SUGCT: variants seen among roughly 807,000 people sequenced by gnomAD.
SUGCT encodes succinyl-CoA:glutarate-CoA transferase.
A neutral mutation model predicts 55.0 loss-of-function variants in SUGCT; 41 were observed. The observed-to-expected ratio is 0.74, with a 90% CI of 0.58 to 0.97. The LOEUF (loss-of-function observed/expected upper bound fraction) is 0.97, where lower values mean the gene tolerates loss of function less well. SUGCT is among the 50% of genes least tolerant of loss of function. The pLI, the probability that SUGCT is intolerant of heterozygous loss-of-function variation, is 0.00. For synonymous variants in SUGCT, 187 were observed against 200.4 expected (o/e 0.93, Z 0.56); for missense variants, 568 against 547.8 (o/e 1.04, Z -0.37).
intron 8 of SUGCT, among the ~76,000 whole-genome samples, chr7:40,297,691 A>G (rs1386496818): frequency 6.6e-6 from 1 of 152,184 alleles, no homozygotes; most frequent in African/African-American, 2.4e-5. Flanking sequence ...CATATTACCC[A>G]CTACAGATAA....
chr7:40,240,718 T>C (rs1789324364), intron 7 of SUGCT, among the ~76,000 whole-genome samples: 1 of 152,212 alleles, frequency 6.6e-6, no homozygotes, highest in African/African-American at 2.4e-5. Context: ...TGCACAGCCA[T>C]GTATCTGTGC....
At chr7:40,613,007 C>A (rs773426878) in intron 12 of SUGCT, among the ~76,000 whole-genome samples, 1 of 152,076 alleles carries the variant, frequency 6.6e-6, no homozygotes, top group Non-Finnish European at 1.5e-5. Context: ...ATGGGGGATG[C>A]CCATAATCCC....
At chr7:40,703,414 A>G (rs1483580021) in intron 12 of SUGCT, among the ~76,000 whole-genome samples, 1 of 152,148 alleles carries the variant, frequency 6.6e-6, no homozygotes, top group Non-Finnish European at 1.5e-5. Context: ...CAGCATCCCC[A>G]CAGAATGTGA....
intron 12 of SUGCT, among the ~76,000 whole-genome samples, chr7:40,725,720 G>A (rs909681717): frequency 3.3e-5 from 5 of 151,696 alleles, no homozygotes; most frequent in East Asian, 1.9e-4. Context: ...TTAAAATCCC[G>A]TTTCTCAGCA....
intron 7 of SUGCT, among the ~76,000 whole-genome samples, chr7:40,269,194 A>G (rs990452363): frequency 7.9e-5 from 12 of 152,056 alleles, no homozygotes; most frequent in African/African-American, 2.9e-4. Context: ...TTCTCTGACA[A>G]CTAATGATGT....
chr7:40,564,006 A>G (rs368311358), intron 12 of SUGCT, among the ~76,000 whole-genome samples: 1 of 152,208 alleles, frequency 6.6e-6, no homozygotes, highest in Non-Finnish European at 1.5e-5. Context: ...AGAAAAAAAT[A>G]TCTAGAAGTA....
At chr7:40,216,066 T>C (rs892076005) in intron 6 of SUGCT, among the ~76,000 whole-genome samples, 2 of 151,896 alleles carry the variant, frequency 1.3e-5, no homozygotes, top group Non-Finnish European at 2.9e-5. Context: ...AAATTATTGA[T>C]ATGAAATGCA....
intron 13 of SUGCT, among the ~76,000 whole-genome samples, chr7:40,783,291 T>G (rs906580833): frequency 6.6e-6 from 1 of 152,076 alleles, no homozygotes; most frequent in Non-Finnish European, 1.5e-5. Context: ...GGCCACCTCT[T>G]TTTCAGGGAA....
At chr7:40,141,620 A>G (rs1308968291) in intron 1 of SUGCT, among the ~76,000 whole-genome samples, 1 of 148,090 alleles carries the variant, frequency 6.8e-6, no homozygotes, top group Non-Finnish European at 1.5e-5. Context: ...GGCGACAGAC[A>G]GTGCAAGACT....
chr7:40,753,479 A>G (rs1788113982), intron 13 of SUGCT, among the ~76,000 whole-genome samples: 1 of 152,208 alleles, frequency 6.6e-6, no homozygotes, highest in Admixed American at 6.5e-5. Context: ...GTTTACAGTA[A>G]CAATCCTTAT....
the SUGCT span, among the ~76,000 whole-genome samples, chr7:41,018,175 C>T: frequency 0.027 from 4,053 of 151,980 alleles, 188 homozygotes; most frequent in South Asian, 0.19. Flanking sequence ...GCCTATGGAC[C>T]GCTGCAAGGG....
At chr7:40,680,942 G>T (rs987754417) in intron 12 of SUGCT, among the ~76,000 whole-genome samples, 4 of 152,162 alleles carry the variant, frequency 2.6e-5, no homozygotes, top group Non-Finnish European at 4.4e-5. Flanking sequence ...GAACAAAATT[G>T]TAAGTGCGAG....
At chr7:40,994,008 T>C in the SUGCT span, among the ~76,000 whole-genome samples, 2 of 152,194 alleles carry the variant, frequency 1.3e-5, no homozygotes, top group Non-Finnish European at 2.9e-5. Flanking sequence ...TGTGAAATTA[T>C]ATCTGAGACA....
the SUGCT span, among the ~76,000 whole-genome samples, chr7:40,956,246 TTGTC>T: frequency 1.3e-5 from 2 of 151,996 alleles, no homozygotes; most frequent in Non-Finnish European, 2.9e-5. Flanking sequence ...AGCTAGGAAT[TTGTC>T]TGGTCTTTGG....
chr7:40,593,942 T>C (rs553355571), intron 12 of SUGCT, among the ~76,000 whole-genome samples: 2 of 152,192 alleles, frequency 1.3e-5, no homozygotes, highest in South Asian at 2.1e-4. Flanking sequence ...CCAACAATGA[T>C]AGACTGGATT....
At chr7:40,375,968 C>T (rs569162574) in intron 9 of SUGCT, among the ~76,000 whole-genome samples, 1 of 152,212 alleles carries the variant, frequency 6.6e-6, no homozygotes, top group Admixed American at 6.5e-5. Context: ...CACAGATTCT[C>T]GTGTCAGATG....
At chr7:40,961,245 T>C in the SUGCT span, among the ~76,000 whole-genome samples, 2 of 152,240 alleles carry the variant, frequency 1.3e-5, no homozygotes, top group South Asian at 2.1e-4. Context: ...GCTGGGCTGC[T>C]CATCCATATG....
intron 1 of SUGCT, among the ~76,000 whole-genome samples, chr7:40,136,737 A>C (rs1190381417): frequency 2.6e-5 from 4 of 152,200 alleles, no homozygotes; most frequent in Non-Finnish European, 5.9e-5. Flanking sequence ...TGCTCATTTG[A>C]ATATTTATTG....
intron 12 of SUGCT, among the ~76,000 whole-genome samples, chr7:40,577,583 T>C (rs887213712): frequency 6.6e-6 from 1 of 152,284 alleles, no homozygotes; most frequent in South Asian, 2.1e-4. Context: ...AAACTCTCTA[T>C]CTCACACCTC....
Sources: gnomAD v4.1 joint callset for allele counts (sites outside exome capture counted in the v4.1 genomes callset) on GRCh38, gnomAD v4.1.1 for gene constraint, MANE v1.5 for transcripts, NCBI Gene and HGNC (gene_info 2026-07-23, HGNC 2026-07-21) for gene names.